Variants in HSD11B1 observed in about 807,000 individuals in gnomAD.
The protein encoded by HSD11B1 is 11-beta-hydroxysteroid dehydrogenase 1.
HSD11B1 carries 15 observed loss-of-function variants against 22.1 expected under a neutral mutation model. That is an observed-to-expected ratio of 0.68 (90% CI 0.45 to 1.04). HSD11B1 has a LOEUF of 1.04. Among genes scored for constraint, HSD11B1 ranks in the 50% least tolerant of loss-of-function variants. The pLI is 0.00. For synonymous variants in HSD11B1, 122 were observed against 125.2 expected (o/e 0.97, Z 0.17); for missense variants, 281 against 357.6 (o/e 0.79, Z 1.73).
At position 209,710,202 on chromosome 1, in the gene HSD11B1, C is replaced by T. The variant is rs559021226; in HGVS notation, c.517+3074C>T. Among the ~76,000 whole-genome samples the T allele has an allele frequency of 2.6e-5, 4 of 152,276 alleles. No homozygotes were observed. In the South Asian group the frequency reaches 8.3e-4, roughly 32 times the overall value. Reference sequence around the variant, plus strand: ...AACATCTGGAAAAAAGTTTATCTGACATTAGTCAAAATAGGTCATCTTAGG... The same window carrying T: ...AACATCTGGAAAAAAGTTTATCTGATATTAGTCAAAATAGGTCATCTTAGG... On this transcript the variant is annotated intron_variant, in intron 4 of 5. Coordinates refer to ENST00000367027, the MANE Select transcript of HSD11B1 (RefSeq NM_005525.4).
chr1:209,710,221 T>C lies in HSD11B1; in HGVS notation c.517+3093T>C, dbSNP rs1324011059. ...ATCTGACATTAGTCAAAATAGGTCA[T>C]CTTAGGTTCAATATTAGAAAAGTAA... On this transcript the variant is annotated intron_variant, in intron 4 of 5. Coordinates refer to ENST00000367027, the MANE Select transcript of HSD11B1 (RefSeq NM_005525.4). Among the ~76,000 whole-genome samples the C allele has an allele frequency of 6.6e-5, 10 of 152,222 alleles. 1 individual carries two copies. In the East Asian group the frequency reaches 1.7e-3, roughly 26 times the overall value.
chr1:209,701,355 ATC>A (rs1183485268), upstream of HSD11B1, among the ~76,000 whole-genome samples: 1 of 152,186 alleles, frequency 6.6e-6, no homozygotes, highest in Non-Finnish European at 1.5e-5. Context: ...AACCCATCAG[ATC>A]TCGTGAGACT....
chr1:209,704,037 C>T (rs574874850), upstream of HSD11B1, among the ~76,000 whole-genome samples: 25 of 152,262 alleles, frequency 1.6e-4, no homozygotes, highest in Non-Finnish European at 2.9e-4. Context: ...CTGGTGTGGG[C>T]GTCCCCAGCT....
At chr1:209,733,463 A>G (rs953194438) in intron 5 of HSD11B1, among the ~76,000 whole-genome samples, 1 of 152,216 alleles carries the variant, frequency 6.6e-6, no homozygotes, top group Admixed American at 6.5e-5. Context: ...CCTGGATAAG[A>G]TCCAGGAACA....
intron 4 of HSD11B1, among the ~76,000 whole-genome samples, chr1:209,715,608 G>A (rs1467077381): frequency 2.6e-5 from 4 of 152,084 alleles, no homozygotes; most frequent in Non-Finnish European, 5.9e-5. Flanking sequence ...GCCAAACCTA[G>A]AACCATTGAG....
In HSD11B1 at chr1:209,734,606, T is replaced by C; in HGVS notation, c.*85T>C. On this transcript the variant is annotated 3_prime_UTR_variant, in exon 6 of 6. Coordinates refer to ENST00000367027, the MANE Select transcript of HSD11B1 (RefSeq NM_005525.4). The stretch of plus-strand genomic sequence containing the variant: ...CTGAGCTCTTATCTATGAAGACATC[T>C]TCCCAGAGTGTCCCCAGAGACATGC... The C allele has an allele frequency of 9.8e-7, 1 of 1,020,604 alleles. No individual in the cohort carries two copies. Among genetic ancestry groups the C allele is most frequent in the Non-Finnish European group, 1.5e-6 (1 of 654,108 alleles). The allele number at this position is 1,020,604 out of a possible 1,614,324, so 63.2% of individuals were successfully genotyped here. A position where few individuals can be genotyped will look rare whatever the true frequency, so the allele number is the denominator to read the frequency against.
chr1:209,709,913 C>A (rs2076884011), intron 4 of HSD11B1, among the ~76,000 whole-genome samples: 1 of 150,218 alleles, frequency 6.7e-6, no homozygotes, highest in Non-Finnish European at 1.5e-5. Context: ...AAAAAGTATA[C>A]CCTCCAGGCC....
chr1:209,687,693 A>T (rs983976625), intron 1 of HSD11B1, among the ~76,000 whole-genome samples: 24 of 152,230 alleles, frequency 1.6e-4, no homozygotes, highest in African/African-American at 5.3e-4. Flanking sequence ...AGAAATCATG[A>T]AAACTTTACA....
intron 5 of HSD11B1, among the ~76,000 whole-genome samples, chr1:209,733,993 A>G (rs1274702060): frequency 2.0e-5 from 3 of 152,152 alleles, no homozygotes; most frequent in Non-Finnish European, 4.4e-5. Context: ...CTGCTCCCCC[A>G]TATTACTTCT....
At chr1:209,707,188 G>C in intron 4 of HSD11B1, 60 bp downstream of exon 4, 4 of 1,348,532 alleles carry the variant, frequency 3.0e-6, no homozygotes, top group South Asian at 1.2e-5. Context: ...CAGGGATGAT[G>C]CCAGGCTCTG....
At chr1:209,721,651 C>T (rs1558196822) in intron 4 of HSD11B1, among the ~76,000 whole-genome samples, 1 of 152,106 alleles carries the variant, frequency 6.6e-6, no homozygotes, top group African/African-American at 2.4e-5. Flanking sequence ...TCATTATTTT[C>T]AGTTCAGCTT....
chr1:209,719,150 T>C (rs940239771), intron 4 of HSD11B1, among the ~76,000 whole-genome samples: 1 of 152,008 alleles, frequency 6.6e-6, no homozygotes, highest in African/African-American at 2.4e-5. Context: ...GCAACCCAAG[T>C]GTCTATCAGT....
At chr1:209,732,631 G>C (rs751279300) in intron 5 of HSD11B1, 52 bp downstream of exon 5, 1 of 1,477,546 alleles carries the variant, frequency 6.8e-7, no homozygotes, top group Non-Finnish European at 9.5e-7. Context: ...TAAGTTCTAG[G>C]GTACATGTGC....
intron 4 of HSD11B1, among the ~76,000 whole-genome samples, chr1:209,714,985 G>A (rs1571878191): frequency 6.6e-6 from 1 of 152,166 alleles, no homozygotes; most frequent in Non-Finnish European, 1.5e-5. Flanking sequence ...GGGGAGTGAT[G>A]AGAGCATCTG....
intron 4 of HSD11B1, among the ~76,000 whole-genome samples, chr1:209,724,592 T>C (rs2076988444): frequency 6.6e-6 from 1 of 152,202 alleles, no homozygotes; most frequent in Non-Finnish European, 1.5e-5. Context: ...TACATGTTGT[T>C]TACTCCACTT....
intron 4 of HSD11B1, among the ~76,000 whole-genome samples, chr1:209,709,937 A>ACACAC (rs2076884424): frequency 7.0e-6 from 1 of 143,794 alleles, no homozygotes; most frequent in South Asian, 2.3e-4. Flanking sequence ...CCACATGTGA[A>ACACAC]ACACACACAC....
chr1:209,694,778 T>C (rs2076780824), intron 1 of HSD11B1, among the ~76,000 whole-genome samples: 2 of 152,226 alleles, frequency 1.3e-5, no homozygotes, highest in Non-Finnish European at 2.9e-5. Context: ...TTATACGTTA[T>C]TCATGTTTTC....
intron 4 of HSD11B1, among the ~76,000 whole-genome samples, chr1:209,716,565 G>GA (rs376787054): frequency 3.7e-4 from 54 of 146,528 alleles, no homozygotes; most frequent in South Asian, 8.6e-4. Context: ...CATAGAAATA[G>GA]AAAAAAAAAA....
rs147183539 is a variant in HSD11B1 at position 209,724,845 on chromosome 1, C to G, written c.518-7591C>G. Among the ~76,000 whole-genome samples the G allele has an allele frequency of 2.2e-4, 33 of 152,262 alleles. No homozygotes were observed. In the East Asian group the frequency reaches 6.4e-3, roughly 29 times the overall value. On this transcript the variant is annotated intron_variant, in intron 4 of 5. Coordinates refer to ENST00000367027, the MANE Select transcript of HSD11B1 (RefSeq NM_005525.4). ...GTTTGAGAATGGAAGATTTTTCTCTCTTCTCTTCATTTTTTTTCTGCTTTT... is the reference window on the plus strand; with the variant it reads ...GTTTGAGAATGGAAGATTTTTCTCTGTTCTCTTCATTTTTTTTCTGCTTTT...
Sources: allele counts gnomAD v4.1 joint callset (sites outside exome capture counted in the v4.1 genomes callset), GRCh38; gene constraint gnomAD v4.1.1; transcripts MANE v1.5; gene names NCBI Gene and HGNC (gene_info 2026-07-23, HGNC 2026-07-21).